Variants in CSMD1 observed in about 807,000 individuals in gnomAD.
The protein encoded by CSMD1 is CUB and Sushi multiple domains 1.
Under a neutral mutation model 417.5 loss-of-function variants are expected in CSMD1, and 213 were observed. That is an observed-to-expected ratio of 0.51 (90% CI 0.46 to 0.57). The LOEUF (loss-of-function observed/expected upper bound fraction) is 0.57, where lower values mean the gene tolerates loss of function less well. CSMD1 is among the 20% of genes least tolerant of loss of function. The pLI is 0.00. For synonymous variants in CSMD1, 2,862 were observed against 1,736.8 expected (o/e 1.65, Z -16.11); for missense variants, 6,923 against 4,529.7 (o/e 1.53, Z -15.17).
At chr8:3,476,528 G>A (rs1210359269) in intron 11 of CSMD1, among the ~76,000 whole-genome samples, 3 of 152,034 alleles carry the variant, frequency 2.0e-5, no homozygotes, top group Non-Finnish European at 2.9e-5. Flanking sequence ...TTCCAGAATG[G>A]CGGTACCACT....
chr8:3,735,027 T>A (rs533401115), intron 6 of CSMD1, among the ~76,000 whole-genome samples: 1 of 152,338 alleles, frequency 6.6e-6, no homozygotes, highest in Admixed American at 6.5e-5. Flanking sequence ...AATGCTGTTT[T>A]TGTAAAACAA....
chr8:3,848,581 T>C (rs746648280), intron 5 of CSMD1, among the ~76,000 whole-genome samples: 11 of 152,206 alleles, frequency 7.2e-5, no homozygotes, highest in Non-Finnish European at 1.6e-4. Context: ...TCCTTGTAAA[T>C]ATGTACTTTG....
At chr8:3,927,560 G>C (rs148368194) in intron 5 of CSMD1, among the ~76,000 whole-genome samples, 61 of 149,756 alleles carry the variant, frequency 4.1e-4, no homozygotes, top group African/African-American at 1.4e-3. Flanking sequence ...AGCTACTAGA[G>C]AGGCTGAGGC....
chr8:4,731,064 G>C (rs752051134), intron 1 of CSMD1, among the ~76,000 whole-genome samples: 2 of 152,294 alleles, frequency 1.3e-5, no homozygotes, highest in South Asian at 4.1e-4. Flanking sequence ...TGTGGGTCTT[G>C]ACTCCTGCTG....
chr8:4,603,397 G>A (rs1446856586), intron 2 of CSMD1, among the ~76,000 whole-genome samples: 3 of 151,942 alleles, frequency 2.0e-5, no homozygotes, highest in Non-Finnish European at 4.4e-5. Flanking sequence ...TAAAAATGTG[G>A]TGAACCTCCA....
At chr8:3,690,315 C>T (rs903730248) in intron 7 of CSMD1, among the ~76,000 whole-genome samples, 3 of 152,216 alleles carry the variant, frequency 2.0e-5, no homozygotes, top group East Asian at 1.9e-4. Context: ...AAGATCGCAC[C>T]ACTGCACTGC....
intron 3 of CSMD1, among the ~76,000 whole-genome samples, chr8:4,302,615 T>A (rs1438419127): frequency 5.9e-5 from 9 of 152,164 alleles, no homozygotes; most frequent in Non-Finnish European, 1.3e-4. Context: ...TCTCCTATGT[T>A]GTTGTGTTTT....
intron 12 of CSMD1, among the ~76,000 whole-genome samples, chr8:3,432,942 T>C (rs1814311593): frequency 6.6e-6 from 1 of 152,174 alleles, no homozygotes. Flanking sequence ...GAACATACCT[T>C]ATCAATAAAT....
intron 3 of CSMD1, among the ~76,000 whole-genome samples, chr8:4,370,851 T>A (rs762793665): frequency 6.6e-6 from 1 of 152,258 alleles, no homozygotes; most frequent in East Asian, 1.9e-4. Flanking sequence ...TTTCCTTGGA[T>A]TCTGTTTCAA....
chr8:4,259,576 C>G (rs1269215279), intron 3 of CSMD1, among the ~76,000 whole-genome samples: 2 of 151,790 alleles, frequency 1.3e-5, no homozygotes, highest in African/African-American at 4.8e-5. Context: ...ACTCTGTTAC[C>G]GATCAACGAT....
At chr8:4,124,753 G>A (rs114336738) in intron 3 of CSMD1, among the ~76,000 whole-genome samples, 2,953 of 152,270 alleles carry the variant, frequency 0.019, 109 homozygotes, top group African/African-American at 0.067. Context: ...CAAACTAAGG[G>A]ACTGAAACTT....
chr8:4,722,180 T>C (rs1017171907), intron 1 of CSMD1, among the ~76,000 whole-genome samples: 1 of 152,116 alleles, frequency 6.6e-6, no homozygotes, highest in Non-Finnish European at 1.5e-5. Context: ...CACACACACA[T>C]GCTGACTATG....
At position 4,893,144 on chromosome 8, in the gene CSMD1, C is replaced by A. The variant is rs540063659; in HGVS notation, c.85+101188G>T. ...TCAGTGTGACAGGTAAACATAATAC[C>A]TTTTTGTTGTTTTAATTTGCTTTTC... is the stretch of plus-strand genomic sequence containing the variant. On this transcript the variant is annotated intron_variant, in intron 1 of 69. Coordinates refer to ENST00000635120, the MANE Select transcript of CSMD1 (RefSeq NM_033225.6). Among the ~76,000 whole-genome samples, 4 of 152,162 alleles carry A rather than the reference C, an allele frequency of 2.6e-5. No homozygotes were observed. The South Asian group carries it at 6.2e-4, about 24-fold the overall frequency.
chr8:3,898,846 G>A (rs1191235324), intron 5 of CSMD1, among the ~76,000 whole-genome samples: 1 of 151,958 alleles, frequency 6.6e-6, no homozygotes, highest in Non-Finnish European at 1.5e-5. Flanking sequence ...GATTTCTCAG[G>A]ACATAGCTGA....
intron 3 of CSMD1, among the ~76,000 whole-genome samples, chr8:4,148,455 A>C (rs1260738906): frequency 1.3e-5 from 2 of 152,108 alleles, no homozygotes; most frequent in Admixed American, 1.3e-4. Flanking sequence ...CCAACATGGC[A>C]CATGTATACA....
At chr8:3,427,425 T>C (rs1339087762) in intron 12 of CSMD1, among the ~76,000 whole-genome samples, 1 of 152,168 alleles carries the variant, frequency 6.6e-6, no homozygotes, top group South Asian at 2.1e-4. Context: ...AATTTAACAA[T>C]ATGTAATGAT....
At position 4,002,136 on chromosome 8, in the gene CSMD1, G is replaced by T. The variant is rs544641563; in HGVS notation, c.611-4026C>A. Among the ~76,000 whole-genome samples the T allele has an allele frequency of 4.6e-5, 7 of 152,136 alleles. No homozygotes were observed. In the East Asian group the frequency reaches 1.2e-3, roughly 25 times the overall value. ...ACAAAAAAACTTCATGGTACTCATG[G>T]GATAAAATGCTTAAATCACAGAAAA... On this transcript the variant is annotated intron_variant, in intron 4 of 69. Coordinates refer to ENST00000635120, the MANE Select transcript of CSMD1 (RefSeq NM_033225.6).
chr8:4,134,794 T>G (rs1026914992), intron 3 of CSMD1, among the ~76,000 whole-genome samples: 5 of 152,182 alleles, frequency 3.3e-5, no homozygotes, highest in African/African-American at 4.8e-5. Flanking sequence ...GCATCATGAG[T>G]GATTTATTTT....
intron 52 of CSMD1, among the ~76,000 whole-genome samples, chr8:3,005,889 C>A (rs1807846296): frequency 1.3e-5 from 2 of 152,028 alleles, no homozygotes; most frequent in Admixed American, 6.6e-5. Context: ...TCTCACCACT[C>A]CTATTCAACA....
Sources: gnomAD v4.1 joint callset for allele counts (sites outside exome capture counted in the v4.1 genomes callset) on GRCh38, gnomAD v4.1.1 for gene constraint, MANE v1.5 for transcripts, NCBI Gene and HGNC (gene_info 2026-07-23, HGNC 2026-07-21) for gene names.